Variants in CNTN4 observed in about 807,000 individuals in gnomAD.
The protein encoded by CNTN4 is contactin 4.
A neutral mutation model predicts 122.5 loss-of-function variants in CNTN4; 77 were observed. That is an observed-to-expected ratio of 0.63 (90% CI 0.52 to 0.76). CNTN4 has a LOEUF of 0.76. Among genes scored for constraint, CNTN4 ranks in the 30% least tolerant of loss-of-function variants. The probability of loss-of-function intolerance (pLI) is 0.00; values close to 1 mark genes in which losing one functional copy is unlikely to be tolerated. For synonymous variants in CNTN4, 512 were observed against 447.0 expected (o/e 1.15, Z -1.83); for missense variants, 1,256 against 1,259.1 (o/e 1.00, Z 0.04).
At chr3:2,309,032 C>T (rs1270647558) in intron 2 of CNTN4, among the ~76,000 whole-genome samples, 1 of 152,024 alleles carries the variant, frequency 6.6e-6, no homozygotes, top group African/African-American at 2.4e-5. Flanking sequence ...GTCTGATTTT[C>T]TTTCCACTAT....
At chr3:2,643,038 C>T (rs555037542) in intron 4 of CNTN4, among the ~76,000 whole-genome samples, 2 of 152,284 alleles carry the variant, frequency 1.3e-5, no homozygotes, top group African/African-American at 2.4e-5. Context: ...AAACATTATA[C>T]ACAACTCTTG....
At chr3:2,507,726 C>G (rs1165236893) in intron 3 of CNTN4, among the ~76,000 whole-genome samples, 3 of 112,712 alleles carry the variant, frequency 2.7e-5, no homozygotes, top group Non-Finnish European at 5.2e-5. Context: ...CAGTGAGAGA[C>G]TTTGTCTCAA....
chr3:2,666,450 A>G (rs1223819362), intron 4 of CNTN4, among the ~76,000 whole-genome samples: 2 of 152,214 alleles, frequency 1.3e-5, no homozygotes, highest in Admixed American at 6.5e-5. Context: ...TTTCTAGATC[A>G]TAGTGCAATA....
intron 13 of CNTN4, among the ~76,000 whole-genome samples, chr3:2,926,712 G>A (rs976204727): frequency 2.0e-5 from 3 of 152,158 alleles, no homozygotes; most frequent in African/African-American, 7.2e-5. Flanking sequence ...ATACATATTA[G>A]ACCTGATGAT....
chr3:2,198,152 A>G (rs760275626), intron 2 of CNTN4, among the ~76,000 whole-genome samples: 9 of 152,202 alleles, frequency 5.9e-5, no homozygotes, highest in Non-Finnish European at 1.0e-4. Context: ...TGAACCATAA[A>G]TCTGTAATAC....
At position 2,433,449 on chromosome 3, in the gene CNTN4, A is replaced by G. The variant is rs140409499; in HGVS notation, c.-89+94216A>G. ...GTATGTCTACTTTAGAGAAGTGTCTATTTAGGTGGCTCATTTTTTTATTAG... is the reference window on the plus strand; with the variant it reads ...GTATGTCTACTTTAGAGAAGTGTCTGTTTAGGTGGCTCATTTTTTTATTAG... On this transcript the variant is annotated intron_variant, in intron 3 of 24. Coordinates refer to ENST00000418658, the MANE Select transcript of CNTN4 (RefSeq NM_175607.3). 4.7e-3 allele frequency among the ~76,000 whole-genome samples: 709 copies of G among 152,044 alleles called. 6 individuals carry two copies. Among genetic ancestry groups the G allele is most frequent in the African/African-American group, 0.016 (663 of 41,534 alleles).
chr3:2,603,165 A>C (rs2081119812), intron 4 of CNTN4, among the ~76,000 whole-genome samples: 1 of 152,166 alleles, frequency 6.6e-6, no homozygotes, highest in Non-Finnish European at 1.5e-5. Flanking sequence ...GGATGGAACA[A>C]AGTTGCTGTT....
chr3:2,258,795 T>G (rs1044540847), intron 2 of CNTN4, among the ~76,000 whole-genome samples: 8 of 152,028 alleles, frequency 5.3e-5, no homozygotes, highest in Non-Finnish European at 1.2e-4. Context: ...TTTTATTATT[T>G]GTATTATTTA....
At chr3:2,715,143 C>T (rs559849654) in intron 4 of CNTN4, among the ~76,000 whole-genome samples, 1 of 151,978 alleles carries the variant, frequency 6.6e-6, no homozygotes, top group Non-Finnish European at 1.5e-5. Flanking sequence ...TGATCTCCAC[C>T]AGGAAAGGAA....
At chr3:2,810,196 G>A (rs2092570917) in intron 6 of CNTN4, among the ~76,000 whole-genome samples, 1 of 152,152 alleles carries the variant, frequency 6.6e-6, no homozygotes, top group African/African-American at 2.4e-5. Context: ...TCTATTAAAT[G>A]AGAATAGTAA....
chr3:2,806,662 A>G (rs2092474915), intron 6 of CNTN4, among the ~76,000 whole-genome samples: 1 of 152,200 alleles, frequency 6.6e-6, no homozygotes, highest in Admixed American at 6.5e-5. Flanking sequence ...TTTAGATATA[A>G]GGTGAAAATG....
At chr3:2,434,866 A>C (rs2048205078) in intron 3 of CNTN4, among the ~76,000 whole-genome samples, 1 of 152,170 alleles carries the variant, frequency 6.6e-6, no homozygotes, top group Non-Finnish European at 1.5e-5. Context: ...CCAGCGTCCT[A>C]AATGAAAGTC....
intron 3 of CNTN4, among the ~76,000 whole-genome samples, chr3:2,540,686 A>C (rs1039734773): frequency 6.6e-6 from 1 of 152,118 alleles, no homozygotes; most frequent in African/African-American, 2.4e-5. Context: ...ATCTTTAAGT[A>C]ATTGTGAGTC....
At chr3:2,734,880 G>T (rs758998839) in intron 4 of CNTN4, among the ~76,000 whole-genome samples, 2 of 152,140 alleles carry the variant, frequency 1.3e-5, no homozygotes, top group Non-Finnish European at 2.9e-5. Context: ...ACTGCCAGTT[G>T]CAGGGTGATA....
chr3:2,986,104 A>G lies in CNTN4; in HGVS notation c.1359-2241A>G, dbSNP rs565967151. Among the ~76,000 whole-genome samples, 22 of 152,040 alleles carry G rather than the reference A, an allele frequency of 1.4e-4. No homozygotes were observed. In the East Asian group the frequency reaches 3.3e-3, roughly 23 times the overall value. On this transcript the variant is annotated intron_variant, in intron 13 of 24. Coordinates refer to ENST00000418658, the MANE Select transcript of CNTN4 (RefSeq NM_175607.3). ...TAATTTTTGTGTTTTTTGTAGAGAC[A>G]GGGTTTTGCCATGTTGCCCAGACTG...
intron 3 of CNTN4, among the ~76,000 whole-genome samples, chr3:2,470,513 G>A (rs2075649601): frequency 6.6e-6 from 1 of 152,094 alleles, no homozygotes; most frequent in Non-Finnish European, 1.5e-5. Context: ...GCATTCTGGA[G>A]CAAGGTTGTA....
intron 3 of CNTN4, among the ~76,000 whole-genome samples, chr3:2,502,677 GAGA>G (rs1171485674): frequency 6.6e-6 from 1 of 152,074 alleles, no homozygotes; most frequent in East Asian, 1.9e-4. Context: ...GCTGTAAAGA[GAGA>G]AGGCTTAGTC....
At chr3:2,553,030 A>T (rs909655497) in intron 3 of CNTN4, among the ~76,000 whole-genome samples, 1 of 152,180 alleles carries the variant, frequency 6.6e-6, no homozygotes, top group African/African-American at 2.4e-5. Flanking sequence ...GACGGTGTCT[A>T]GTTGGAGACC....
At chr3:3,039,227 A>G (rs1363950324) in intron 19 of CNTN4, 5 of 530,044 alleles carry the variant, frequency 9.4e-6, no homozygotes, top group Admixed American at 3.1e-5. Flanking sequence ...AGTAAAAACA[A>G]TTATGAAGGG....
Sources: allele counts gnomAD v4.1 joint callset (sites outside exome capture counted in the v4.1 genomes callset), GRCh38; gene constraint gnomAD v4.1.1; transcripts MANE v1.5; gene names NCBI Gene and HGNC (gene_info 2026-07-23, HGNC 2026-07-21).